The following BTRC variants were observed in gnomAD, a reference collection of about 807,000 sequenced individuals.
BTRC encodes F-box/WD repeat-containing protein 1A.
In BTRC, 42 loss-of-function variants were observed where a neutral mutation model predicts 85.5. The observed-to-expected ratio is 0.49, with a 90% confidence interval of 0.38 to 0.64. BTRC has a LOEUF of 0.64. Ranked by LOEUF, BTRC falls within the 30% of genes least tolerant of loss-of-function variation. BTRC has a pLI of 0.00. For missense variants in BTRC, 594 were observed against 743.5 expected (o/e 0.80, Z 2.34); for synonymous variants, 255 against 263.3 (o/e 0.97, Z 0.30).
chr10:101,555,046 C>T lies in BTRC; in HGVS notation c.*1923C>T, dbSNP rs1237996383. 5 of 152,222 alleles carry T rather than the reference C, an allele frequency of 3.3e-5. No homozygotes were observed. The highest frequency in any genetic ancestry group is 7.3e-5 in the Non-Finnish European group (5 of 68,046). The allele number at this position is 152,222 out of a possible 1,614,324, so 9.4% of individuals were successfully genotyped here. On this transcript the variant is annotated 3_prime_UTR_variant, in exon 15 of 15. Coordinates refer to ENST00000370187, the MANE Select transcript of BTRC (RefSeq NM_033637.4). ...AGAAATATTTTCTCAATGTAATTCC[C>T]TTCCCAGCTACCCAAATGCTACAGA...
intron 2 of BTRC, among the ~76,000 whole-genome samples, chr10:101,442,699 A>G (rs2134116261): frequency 6.6e-6 from 1 of 152,272 alleles, no homozygotes; most frequent in Non-Finnish European, 1.5e-5. Flanking sequence ...ATAAACGTAA[A>G]AAGGAATTAA....
intron 2 of BTRC, among the ~76,000 whole-genome samples, chr10:101,451,894 G>A (rs1375570266): frequency 6.6e-6 from 1 of 152,078 alleles, no homozygotes; most frequent in Non-Finnish European, 1.5e-5. Flanking sequence ...AGACACCAGC[G>A]AATAAAATCA....
chr10:101,512,652 T>G (rs1158029385), intron 4 of BTRC, among the ~76,000 whole-genome samples: 1 of 152,224 alleles, frequency 6.6e-6, no homozygotes, highest in African/African-American at 2.4e-5. Context: ...TATTTTTCCC[T>G]CCTGGCCCAG....
rs568865829 is a variant in BTRC, at chr10:101,403,317, C to T, written c.49-27028C>T. On this transcript the variant is annotated intron_variant, in intron 1 of 14. Coordinates refer to ENST00000370187, the MANE Select transcript of BTRC (RefSeq NM_033637.4). ...AAAGGGAAAAAGATGGCCAGTAAGG[C>T]CCCATAAGGACTTGGAACCAGGCAT... 2.6e-5 allele frequency among the ~76,000 whole-genome samples: 4 copies of T among 152,304 alleles called. No homozygotes were observed. In the East Asian group the frequency reaches 7.7e-4, roughly 29 times the overall value.
intron 2 of BTRC, among the ~76,000 whole-genome samples, chr10:101,460,183 T>C (rs1006451373): frequency 2.6e-5 from 4 of 152,144 alleles, no homozygotes; most frequent in Admixed American, 6.5e-5. Context: ...GCTTCTATTA[T>C]ATAAGGCATT....
intron 1 of BTRC, among the ~76,000 whole-genome samples, chr10:101,365,788 C>A (rs1406125962): frequency 6.6e-6 from 1 of 152,070 alleles, no homozygotes; most frequent in Non-Finnish European, 1.5e-5. Flanking sequence ...TCTTTCAATT[C>A]TTTTATGTTT....
chr10:101,504,901 T>C (rs1053965551), intron 4 of BTRC, among the ~76,000 whole-genome samples: 4 of 151,504 alleles, frequency 2.6e-5, no homozygotes. Context: ...ACACTCCCCC[T>C]CCCCCATATT....
intron 1 of BTRC, among the ~76,000 whole-genome samples, chr10:101,360,888 C>G (rs779276470): frequency 2.1e-4 from 32 of 152,148 alleles, no homozygotes; most frequent in Non-Finnish European, 4.3e-4. Flanking sequence ...TCCCTGCAGC[C>G]TCAAACTCCT....
intron 4 of BTRC, among the ~76,000 whole-genome samples, chr10:101,503,865 T>C (rs1326593918): frequency 6.6e-6 from 1 of 152,242 alleles, no homozygotes; most frequent in African/African-American, 2.4e-5. Flanking sequence ...TTGAGGCCTT[T>C]TTATAGAACA....
At chr10:101,421,719 G>A (rs1944107363) in intron 1 of BTRC, among the ~76,000 whole-genome samples, 1 of 147,814 alleles carries the variant, frequency 6.8e-6, no homozygotes, top group Admixed American at 7.0e-5. Context: ...AGAACGTGCA[G>A]TGTTTGGTTT....
At chr10:101,427,113 CTTTTTT>C (rs138285266) in intron 1 of BTRC, among the ~76,000 whole-genome samples, 7,726 of 109,300 alleles carry the variant, frequency 0.071, 183 homozygotes, top group Non-Finnish European at 0.078. Context: ...TTTTTTCTTT[CTTTTTT>C]TTTTTTTTTT....
intron 1 of BTRC, among the ~76,000 whole-genome samples, chr10:101,412,160 T>C (rs1479544756): frequency 6.6e-6 from 1 of 152,230 alleles, no homozygotes; most frequent in Non-Finnish European, 1.5e-5. Context: ...ACTGTATGTA[T>C]ACAGGACTTA....
At position 101,536,567 on chromosome 10, in the gene BTRC, ATGTTTACGAG is replaced by A; in HGVS notation, c.1496_1505del (p.Leu499Ter). 1 of 1,613,630 alleles carries A rather than the reference ATGTTTACGAG, an allele frequency of 6.2e-7. No individual in the cohort carries two copies. On this transcript the variant is annotated frameshift_variant, in exon 12 of 15. Transcript: ENST00000370187. LOFTEE classifies it high-confidence loss of function. ...GATTATGGGACATAGAATGTGGTGCATGTTTACGAGTGTTAGAAGGCCATGAGGAATTGGT... is the reference window on the plus strand; with the variant it reads ...GATTATGGGACATAGAATGTGGTGCATGTTAGAAGGCCATGAGGAATTGGT...
chr10:101,399,451 C>T (rs1035635846), intron 1 of BTRC, among the ~76,000 whole-genome samples: 1 of 151,074 alleles, frequency 6.6e-6, no homozygotes, highest in Non-Finnish European at 1.5e-5. Context: ...GGTTCAGATA[C>T]CCAGCAAACA....
chr10:101,398,127 TG>T (rs1047164078), intron 1 of BTRC, among the ~76,000 whole-genome samples: 50 of 152,084 alleles, frequency 3.3e-4, no homozygotes, highest in Non-Finnish European at 7.1e-4. Context: ...ATCTGCTGCT[TG>T]GTAGGTACTG....
At chr10:101,371,122 C>CT (rs766910772) in intron 1 of BTRC, among the ~76,000 whole-genome samples, 35 of 151,994 alleles carry the variant, frequency 2.3e-4, no homozygotes, top group Non-Finnish European at 4.4e-4. Flanking sequence ...ATTAGACAAA[C>CT]TATCGATGTC....
At chr10:101,408,820 G>T (rs1444382831) in intron 1 of BTRC, among the ~76,000 whole-genome samples, 1 of 152,142 alleles carries the variant, frequency 6.6e-6, no homozygotes, top group Non-Finnish European at 1.5e-5. Flanking sequence ...GCTGAGGCAG[G>T]TGGATCATCT....
intron 2 of BTRC, 157 bp from the exon 3 acceptor site, chr10:101,461,824 A>G (rs1298099940): frequency 1.1e-5 from 5 of 444,426 alleles, no homozygotes; most frequent in East Asian, 3.5e-5. Context: ...TTTCTTTTAC[A>G]TATGTGTATA....
At chr10:101,383,049 C>T (rs1942975773) in intron 1 of BTRC, among the ~76,000 whole-genome samples, 1 of 138,110 alleles carries the variant, frequency 7.2e-6, no homozygotes, top group African/African-American at 2.6e-5. Flanking sequence ...GTTGGGCCTT[C>T]CCTGGAGATT....
Sources: allele counts gnomAD v4.1 joint callset (sites outside exome capture counted in the v4.1 genomes callset), GRCh38; gene constraint gnomAD v4.1.1; transcripts MANE v1.5; gene names NCBI Gene and HGNC (gene_info 2026-07-23, HGNC 2026-07-21).